CNTN5: variants seen among roughly 807,000 people sequenced by gnomAD.
CNTN5 encodes contactin 5, also known as contactin-5.
A neutral mutation model predicts 129.1 loss-of-function variants in CNTN5; 77 were observed. The ratio of observed to expected loss-of-function variants is 0.60; its 90% CI spans 0.50 to 0.72. CNTN5 has a LOEUF of 0.72. Among genes scored for constraint, CNTN5 ranks in the 30% least tolerant of loss-of-function variants. The pLI is 0.00. For missense variants in CNTN5, 1,478 were observed against 1,328.8 expected, an observed-to-expected ratio of 1.11 and a Z score of -1.75; for synonymous variants, 509 against 465.6, an observed-to-expected ratio of 1.09 and a Z score of -1.20.
chr11:99,957,172 A>G (rs1433676103), intron 8 of CNTN5, among the ~76,000 whole-genome samples, 163 bp downstream of exon 8: 2 of 152,160 alleles, frequency 1.3e-5, no homozygotes, highest in Non-Finnish European at 2.9e-5. Context: ...TGCATGCCTT[A>G]GAATAAAAGT....
At chr11:100,307,686 C>A (rs1951383992) in intron 20 of CNTN5, among the ~76,000 whole-genome samples, 1 of 151,482 alleles carries the variant, frequency 6.6e-6, no homozygotes, top group Non-Finnish European at 1.5e-5. Flanking sequence ...CTTATATAAT[C>A]ATGAAAATGT....
At chr11:99,521,473 T>G (rs1947273703) in intron 2 of CNTN5, among the ~76,000 whole-genome samples, 1 of 152,218 alleles carries the variant, frequency 6.6e-6, no homozygotes, top group Admixed American at 6.5e-5. Flanking sequence ...ATTTTAATTG[T>G]ATTTATCATT....
In CNTN5 at chr11:99,332,232, C is replaced by T. The variant is rs532756200; in HGVS notation, c.-71+6748C>T. ...TTATATTTTAACCCTATCTGGCATG[C>T]CCTATGCTCCAAATTATTCCACTTT... On this transcript the variant is annotated intron_variant, in intron 2 of 24. Coordinates refer to ENST00000524871, the MANE Select transcript of CNTN5 (RefSeq NM_014361.4). Among the ~76,000 whole-genome samples the T allele has an allele frequency of 4.6e-5, 7 of 152,150 alleles. No homozygotes were observed. The East Asian group carries it at 1.4e-3, about 29-fold the overall frequency.
chr11:99,675,989 A>G (rs1953265114), intron 3 of CNTN5, among the ~76,000 whole-genome samples: 1 of 147,358 alleles, frequency 6.8e-6, no homozygotes, highest in African/African-American at 2.7e-5. Flanking sequence ...TTTCACTACC[A>G]TCATCTCAGA....
At chr11:99,962,022 CTAAGT>C (rs1423497533) in intron 8 of CNTN5, among the ~76,000 whole-genome samples, 1 of 152,014 alleles carries the variant, frequency 6.6e-6, no homozygotes, top group African/African-American at 2.4e-5. Context: ...ATATGCAATT[CTAAGT>C]TAATAGTTAC....
intron 1 of CNTN5, among the ~76,000 whole-genome samples, chr11:99,319,996 A>G (rs145813714): frequency 6.6e-6 from 1 of 152,230 alleles, no homozygotes; most frequent in Non-Finnish European, 1.5e-5. Context: ...TCCCAGCATT[A>G]TGGGAGGCAG....
chr11:99,617,575 C>T (rs1365175467), intron 3 of CNTN5, among the ~76,000 whole-genome samples: 3 of 152,164 alleles, frequency 2.0e-5, no homozygotes, highest in South Asian at 2.1e-4. Context: ...CTCTTATTTT[C>T]CTCAATGACA....
chr11:100,355,895 A>G (rs1157071930), intron 24 of CNTN5, among the ~76,000 whole-genome samples: 1 of 151,756 alleles, frequency 6.6e-6, no homozygotes, highest in Non-Finnish European at 1.5e-5. Flanking sequence ...TGTGTTTGTT[A>G]GACATGACAT....
intron 9 of CNTN5, among the ~76,000 whole-genome samples, chr11:100,016,993 G>T (rs1297830070): frequency 1.3e-5 from 2 of 151,682 alleles, no homozygotes; most frequent in Non-Finnish European, 2.9e-5. Flanking sequence ...AAAGATAGTC[G>T]ATGAGAACAT....
At chr11:99,602,165 T>C (rs1383838774) in intron 3 of CNTN5, among the ~76,000 whole-genome samples, 3 of 152,170 alleles carry the variant, frequency 2.0e-5, no homozygotes, top group Non-Finnish European at 4.4e-5. Flanking sequence ...ACAAAATAGT[T>C]ACCATGAGAT....
chr11:99,143,217 A>C (rs953855528), intron 1 of CNTN5, among the ~76,000 whole-genome samples: 1 of 151,432 alleles, frequency 6.6e-6, no homozygotes. Flanking sequence ...GCTGTAAAAC[A>C]CTCTACATAG....
chr11:99,177,076 G>A (rs1385874665), intron 1 of CNTN5, among the ~76,000 whole-genome samples: 2 of 152,090 alleles, frequency 1.3e-5, no homozygotes, highest in African/African-American at 2.4e-5. Flanking sequence ...TAGGGCATTT[G>A]CAACTCCCAG....
intron 1 of CNTN5, among the ~76,000 whole-genome samples, chr11:99,263,365 C>A (rs1237595060): frequency 6.6e-6 from 1 of 152,040 alleles, no homozygotes; most frequent in Non-Finnish European, 1.5e-5. Context: ...GTCTTCAAAT[C>A]TTATGAATAT....
At chr11:99,854,811 C>T (rs1455893839) in intron 6 of CNTN5, among the ~76,000 whole-genome samples, 3 of 151,904 alleles carry the variant, frequency 2.0e-5, no homozygotes, top group Non-Finnish European at 2.9e-5. Context: ...AATGTTTCAC[C>T]AACGACAATT....
chr11:99,374,660 G>T (rs377532958), intron 2 of CNTN5, among the ~76,000 whole-genome samples: 1 of 152,014 alleles, frequency 6.6e-6, no homozygotes, highest in Non-Finnish European at 1.5e-5. Flanking sequence ...CTCCAGCCTG[G>T]GCGACAGAGT....
intron 1 of CNTN5, among the ~76,000 whole-genome samples, chr11:99,029,276 G>A (rs776748674): frequency 2.0e-5 from 3 of 151,484 alleles, no homozygotes; most frequent in Non-Finnish European, 4.4e-5. Flanking sequence ...GGGATATTGA[G>A]ATCTTTAGAA....
chr11:99,948,416 G>A (rs1345328488), intron 7 of CNTN5, among the ~76,000 whole-genome samples: 1 of 152,132 alleles, frequency 6.6e-6, no homozygotes, highest in Admixed American at 6.6e-5. Context: ...TTTAATTACA[G>A]TGTGACTTAA....
At position 100,354,068 on chromosome 11, in the gene CNTN5, C is replaced by T. The variant is rs1188649346; in HGVS notation, c.3200-2049C>T. On this transcript the variant is annotated intron_variant, in intron 24 of 24. Transcript: ENST00000524871. ...CACGAGTATCTAAATCCACTAATTC[C>T]TACCTCAATTACTCTAAGCAAGTTT... Among the ~76,000 whole-genome samples, 5 of 151,468 alleles carry T rather than the reference C, an allele frequency of 3.3e-5. No homozygotes were observed. The East Asian group carries it at 9.7e-4, about 29-fold the overall frequency.
intron 7 of CNTN5, among the ~76,000 whole-genome samples, chr11:99,919,206 T>C (rs1949871840): frequency 1.3e-5 from 2 of 152,160 alleles, no homozygotes; most frequent in Non-Finnish European, 2.9e-5. Flanking sequence ...TCCAACGGTA[T>C]AGTATAGCAT....
Sources: gnomAD v4.1 joint callset for allele counts (sites outside exome capture counted in the v4.1 genomes callset) on GRCh38, gnomAD v4.1.1 for gene constraint, MANE v1.5 for transcripts, NCBI Gene and HGNC (gene_info 2026-07-23, HGNC 2026-07-21) for gene names.